Variants in SLC37A1 observed in about 807,000 individuals in gnomAD.
SLC37A1 encodes the protein solute carrier family 37 member 1, also known as glucose-6-phosphate exchanger SLC37A1.
Under a neutral mutation model 75.3 loss-of-function variants are expected in SLC37A1, and 49 were observed. The observed-to-expected ratio is 0.65, with a 90% confidence interval of 0.52 to 0.83. SLC37A1 has a LOEUF of 0.83. SLC37A1 is among the 40% of genes least tolerant of loss of function. The pLI, the probability that SLC37A1 is intolerant of heterozygous loss-of-function variation, is 0.00. For synonymous variants in SLC37A1, 268 were observed against 292.1 expected (o/e 0.92, Z 0.84); for missense variants, 566 against 695.0 (o/e 0.81, Z 2.09).
At position 42,547,168 on chromosome 21, in the gene SLC37A1, C is replaced by T. The variant is rs531784019; in HGVS notation, c.768+28C>T. 6.2e-7 allele frequency: 1 copy of T among 1,614,124 alleles called. No homozygotes were observed. Among genetic ancestry groups the T allele is most frequent in the Non-Finnish European group, 8.5e-7 (1 of 1,179,928 alleles). ...AAGGACCCTGTTTTCTTGTCCTTTT[C>T]TAGAACAGTGTGCGGTTCTGACCAC... On this transcript the variant is annotated intron_variant, in intron 9 of 19. Coordinates refer to ENST00000352133, the MANE Select transcript of SLC37A1 (RefSeq NM_001320537.2). This position sits in a 1 kb window ranked among gnomAD's most constrained non-coding sequence, Gnocchi z 6.1.
chr21:42,559,582 A>G (rs1340506979), intron 11 of SLC37A1, among the ~76,000 whole-genome samples: 2 of 152,220 alleles, frequency 1.3e-5, no homozygotes, highest in Non-Finnish European at 2.9e-5. Context: ...CTTTCCCTTT[A>G]AAGTGCCTTT....
intron 2 of SLC37A1, among the ~76,000 whole-genome samples, chr21:42,506,558 A>G (rs1212138105): frequency 6.6e-6 from 1 of 152,214 alleles, no homozygotes; most frequent in Non-Finnish European, 1.5e-5. Context: ...ATGATTCTAT[A>G]CATGATAAGG....
At chr21:42,572,405 C>G (rs992572490) in intron 17 of SLC37A1, among the ~76,000 whole-genome samples, 2 of 152,022 alleles carry the variant, frequency 1.3e-5, no homozygotes, top group Admixed American at 1.3e-4. Flanking sequence ...TTTTTTCTTT[C>G]TGGAAAATGT....
chr21:42,573,453 T>C (rs766277026), intron 17 of SLC37A1, among the ~76,000 whole-genome samples: 57 of 152,202 alleles, frequency 3.7e-4, no homozygotes, highest in Non-Finnish European at 7.2e-4. Context: ...CTGTGTTAGC[T>C]GTCAGCCCTT....
upstream of SLC37A1, among the ~76,000 whole-genome samples, chr21:42,509,090 G>T (rs73374141): frequency 6.5e-3 from 989 of 152,188 alleles, 9 homozygotes; most frequent in African/African-American, 0.022. This position sits in a 1 kb window ranked among gnomAD's most constrained non-coding sequence, Gnocchi z 4.2. Context: ...GATACTAAAG[G>T]TATATAACAA....
chr21:42,565,576 G>C (rs2055955316), intron 14 of SLC37A1, among the ~76,000 whole-genome samples: 15 of 152,222 alleles, frequency 9.9e-5, no homozygotes, highest in Admixed American at 9.8e-4. Flanking sequence ...CCTTGGCTGG[G>C]GGTGTAAGGT....
intron 11 of SLC37A1, among the ~76,000 whole-genome samples, chr21:42,560,140 G>A (rs1375505840): frequency 6.6e-6 from 1 of 152,200 alleles, no homozygotes. Context: ...GAGCGGGAGG[G>A]GCACTGTAGG....
intron 11 of SLC37A1, 107 bp from the exon 12 acceptor site, chr21:42,561,971 G>A: frequency 1.1e-6 from 1 of 900,276 alleles, no homozygotes; most frequent in East Asian, 2.4e-5. Context: ...CCAGACCAGA[G>A]ACAGGATGTC....
At position 42,563,924 on chromosome 21, in the gene SLC37A1, C is replaced by T. The variant is rs762884712; in HGVS notation, c.1135+47C>T. On this transcript the variant is annotated intron_variant, in intron 13 of 19. Transcript: ENST00000352133. Reference sequence around the variant, plus strand: ...CTGCTGCAACAATAATTTCGCAAGGCGCATGATCTCTGAGTTGATTCACTG... The same window carrying T: ...CTGCTGCAACAATAATTTCGCAAGGTGCATGATCTCTGAGTTGATTCACTG... The T allele has an allele frequency of 1.1e-5, 17 of 1,599,724 alleles. No homozygotes were observed. Among genetic ancestry groups the T allele is most frequent in the South Asian group, 3.3e-5 (3 of 90,502 alleles).
At chr21:42,510,643 C>T (rs2054424360), upstream of SLC37A1, among the ~76,000 whole-genome samples, 1 of 151,026 alleles carries the variant, frequency 6.6e-6, no homozygotes, top group African/African-American at 2.4e-5. Context: ...TAAGGATACA[C>T]ATAGGCTGAA....
intron 12 of SLC37A1, among the ~76,000 whole-genome samples, chr21:42,563,198 T>C (rs1333494201): frequency 6.6e-6 from 1 of 152,210 alleles, no homozygotes; most frequent in Non-Finnish European, 1.5e-5. Flanking sequence ...TCTTTCTCCC[T>C]TCTTCCCCTG....
At chr21:42,574,942 C>A (rs370396237) in intron 18 of SLC37A1, 27 bp downstream of exon 18, 35 of 1,613,394 alleles carry the variant, frequency 2.2e-5, no homozygotes, top group Non-Finnish European at 2.7e-5. Context: ...TTAGTCCAAT[C>A]CACCTTGAAT....
chr21:42,513,706 G>A (rs1014769156), upstream of SLC37A1, among the ~76,000 whole-genome samples: 2 of 149,648 alleles, frequency 1.3e-5, no homozygotes, highest in African/African-American at 4.9e-5. Context: ...TGGCCCCGGG[G>A]CTGGTGCGAC....
intron 2 of SLC37A1, among the ~76,000 whole-genome samples, chr21:42,507,109 G>A (rs111447772): frequency 0.13 from 19,750 of 152,034 alleles, 1,614 homozygotes; most frequent in Non-Finnish European, 0.18. Context: ...TCTTGAACTC[G>A]TGAGCTCAGG....
At chr21:42,567,285 G>A (rs754604502) in intron 16 of SLC37A1, among the ~76,000 whole-genome samples, 6 of 152,230 alleles carry the variant, frequency 3.9e-5, no homozygotes, top group African/African-American at 4.8e-5. Context: ...CACAACAAAA[G>A]GCTCTTGGGC....
At chr21:42,539,374 T>C (rs1325729760) in intron 5 of SLC37A1, 138 bp from the exon 6 acceptor site, 1 of 1,059,046 alleles carries the variant, frequency 9.4e-7, no homozygotes, top group Non-Finnish European at 1.4e-6. Context: ...GTATGAAATC[T>C]TCCTGGAAAT....
At chr21:42,576,486 A>G (rs2056312850) in intron 18 of SLC37A1, among the ~76,000 whole-genome samples, 2 of 152,220 alleles carry the variant, frequency 1.3e-5, no homozygotes, top group Non-Finnish European at 2.9e-5. Context: ...ACAAAAGATG[A>G]GCTCACAATC....
chr21:42,507,347 C>T (rs1480035579), intron 2 of SLC37A1, among the ~76,000 whole-genome samples: 1 of 152,208 alleles, frequency 6.6e-6, no homozygotes, highest in Non-Finnish European at 1.5e-5. Context: ...CTGATGGCCA[C>T]AGTGAGTGCT....
intron 17 of SLC37A1, among the ~76,000 whole-genome samples, chr21:42,571,472 C>T (rs909337220): frequency 1.3e-5 from 2 of 152,148 alleles, no homozygotes; most frequent in East Asian, 1.9e-4. Context: ...CATAATGTAC[C>T]TTAGAAGCTA....
Sources: gnomAD v4.1 joint callset for allele counts (sites outside exome capture counted in the v4.1 genomes callset) on GRCh38, gnomAD v4.1.1 for gene constraint, Gnocchi (gnomAD v3.1) non-coding constraint, MANE v1.5 for transcripts, NCBI Gene and HGNC (gene_info 2026-07-23, HGNC 2026-07-21) for gene names.